The following DDX52 variants were observed in gnomAD, a reference collection of about 807,000 sequenced individuals.
DDX52 encodes the protein probable ATP-dependent RNA helicase DDX52.
In DDX52, 59 loss-of-function variants were observed where a neutral mutation model predicts 76.1. The observed-to-expected ratio is 0.78, with a 90% CI of 0.63 to 0.96. The LOEUF (loss-of-function observed/expected upper bound fraction) is 0.96, where lower values mean the gene tolerates loss of function less well. DDX52 is among the 40% of genes least tolerant of loss of function. DDX52 has a pLI of 0.00. For synonymous variants in DDX52, 231 were observed against 244.1 expected (o/e 0.95, Z 0.50); for missense variants, 707 against 703.9 (o/e 1.00, Z -0.05).
intron 13 of DDX52, among the ~76,000 whole-genome samples, chr17:37,618,982 T>G (rs1210582562): frequency 3.3e-5 from 5 of 152,262 alleles, no homozygotes; most frequent in Non-Finnish European, 7.3e-5. Flanking sequence ...CATCAGAGTT[T>G]GATTTTGATC....
intron 2 of DDX52, among the ~76,000 whole-genome samples, chr17:37,637,156 T>TA (rs1379544917): frequency 6.6e-6 from 1 of 152,022 alleles, no homozygotes; most frequent in African/African-American, 2.4e-5. Flanking sequence ...TTTGGAGTCT[T>TA]ACTGTGTCAC....
At chr17:37,626,546 C>A (rs996676324) in intron 7 of DDX52, among the ~76,000 whole-genome samples, 2 of 152,138 alleles carry the variant, frequency 1.3e-5, no homozygotes, top group Admixed American at 6.5e-5. Flanking sequence ...CGGACTAACA[C>A]AGCAGGAAAA....
Position 37,614,365 on chromosome 17 carries a change from A to C in DDX52, c.1743-12T>G. On this transcript the variant is annotated splice_polypyrimidine_tract_variant and intron_variant, in intron 14 of 14. Coordinates refer to ENST00000617633, the MANE Select transcript of DDX52 (RefSeq NM_007010.5). ...CAGTGACCTTTTTCCTGTAAAGAGC[A>C]AAGTAAGAAAAATTGAATAAAAAAT... 6.2e-7 allele frequency: 1 copy of C among 1,604,626 alleles called. No individual in the cohort carries two copies. The highest frequency in any genetic ancestry group is 1.1e-5 in the South Asian group (1 of 88,640).
At chr17:37,640,418 TAATC>T (rs1452776028) in intron 2 of DDX52, among the ~76,000 whole-genome samples, 2 of 152,010 alleles carry the variant, frequency 1.3e-5, no homozygotes, top group Non-Finnish European at 2.9e-5. Flanking sequence ...GTATATAAAA[TAATC>T]AAAGTATATA....
intron 2 of DDX52, among the ~76,000 whole-genome samples, chr17:37,640,459 T>C (rs1037058144): frequency 1.4e-4 from 21 of 152,216 alleles, no homozygotes; most frequent in Middle Eastern, 3.4e-3. Context: ...TATTTGTTTT[T>C]TTTTGAGTCA....
chr17:37,620,746 G>T, intron 12 of DDX52, 127 bp downstream of exon 12: 2 of 907,484 alleles, frequency 2.2e-6, no homozygotes, highest in South Asian at 2.4e-5. Flanking sequence ...CTAAAATTTG[G>T]TCAACTAACA....
chr17:37,614,383 T>TA, intron 14 of DDX52, 30 bp from the exon 15 acceptor site: 1 of 1,596,566 alleles, frequency 6.3e-7, no homozygotes, highest in Non-Finnish European at 8.5e-7. Context: ...AAAAATTGAA[T>TA]AAAAAATTCT....
At chr17:37,617,088 C>T (rs145576199) in intron 14 of DDX52, among the ~76,000 whole-genome samples, 15 of 152,302 alleles carry the variant, frequency 9.8e-5, no homozygotes, top group African/African-American at 2.9e-4. Flanking sequence ...GTCATGTACA[C>T]GAATCTTCTT....
rs199587106 is a variant in DDX52, at chr17:37,643,405, G to C, written c.16C>G (p.Leu6Val). MDVHD[L>V]FRRLGAGAKF... ...GCCCCCGCGCCGAGCCGGCGAAAGA[G>C]ATCGTGGACGTCCATCTTTACCCAG... The change falls in exon 1 of 15, where the codon CTC becomes GTC. Residue 6 changes from leucine (L) to valine (V), a missense_variant. By Grantham distance (32) the Leu-to-Val change is conservative (BLOSUM62 1). Transcript: ENST00000617633. The C allele has an allele frequency of 1.9e-6, 3 of 1,614,000 alleles. No individual in the cohort carries two copies. The highest frequency in any genetic ancestry group is 4.5e-5 in the East Asian group (2 of 44,876).
chr17:37,628,621 T>C lies in DDX52; in HGVS notation c.799A>G (p.Met267Val). ...GCTGCCACTGCTGCTTTGTGGATCA[T>C]GTGTATTCTGAATCCTGTTCCCTCA... ...ISEGTGFRIH[M>V]IHKAAVAAKK... Residue 267 changes from methionine to valine, a missense_variant, in exon 6 of 15, where the codon ATG (methionine) becomes GTG (valine). Coordinates refer to ENST00000617633, the MANE Select transcript of DDX52 (RefSeq NM_007010.5). The C allele has an allele frequency of 2.5e-6, 4 of 1,611,080 alleles. No individual in the cohort carries two copies. Among genetic ancestry groups the C allele is most frequent in the South Asian group, 2.2e-5 (2 of 89,904 alleles).
intron 2 of DDX52, among the ~76,000 whole-genome samples, chr17:37,636,524 T>C (rs917185596): frequency 3.3e-5 from 5 of 152,178 alleles, no homozygotes; most frequent in African/African-American, 1.2e-4. Context: ...AATAAACTCA[T>C]ACCAACTTGT....
At chr17:37,630,284 G>A (rs1343606928) in intron 4 of DDX52, 111 bp from the exon 5 acceptor site, 1 of 1,156,586 alleles carries the variant, frequency 8.6e-7, no homozygotes, top group Non-Finnish European at 1.2e-6. Flanking sequence ...TTTACATAAT[G>A]AATCTAATCT....
At chr17:37,631,459 G>C (rs1482386524) in intron 4 of DDX52, 1 of 152,464 alleles carries the variant, frequency 6.6e-6, no homozygotes, top group African/African-American at 2.4e-5. Context: ...AGTTGCCTCT[G>C]AGCAGGGGCA....
At chr17:37,618,145 T>C (rs900812852) in intron 14 of DDX52, 147 bp downstream of exon 14, 6 of 620,712 alleles carry the variant, frequency 9.7e-6, no homozygotes, top group Middle Eastern at 4.5e-4. Context: ...TTCCCAATTA[T>C]AGGCAACCTA....
intron 4 of DDX52, 70 bp from the exon 5 acceptor site, chr17:37,630,243 G>A (rs1293048959): frequency 2.3e-5 from 32 of 1,398,930 alleles, no homozygotes; most frequent in Admixed American, 1.1e-4. Context: ...GTCAAATAAC[G>A]CTACCAGCCA....
At chr17:37,625,744 A>T in intron 8 of DDX52, 151 bp downstream of exon 8, 1 of 826,916 alleles carries the variant, frequency 1.2e-6, no homozygotes, top group Non-Finnish European at 1.9e-6. Context: ...GAAAATCCTT[A>T]AACAATCTTG....
chr17:37,627,368 C>G (rs1010628869), intron 6 of DDX52, among the ~76,000 whole-genome samples: 1 of 152,078 alleles, frequency 6.6e-6, no homozygotes, highest in African/African-American at 2.4e-5. Flanking sequence ...CGCCACCACG[C>G]CCAGCTAATT....
intron 2 of DDX52, chr17:37,639,414 C>T: frequency 1.0e-6 from 1 of 990,922 alleles, no homozygotes; most frequent in Non-Finnish European, 1.2e-6. Flanking sequence ...ATTACTAATT[C>T]ACAAGCTATT....
At chr17:37,617,319 A>C (rs183998412) in intron 14 of DDX52, among the ~76,000 whole-genome samples, 2 of 152,362 alleles carry the variant, frequency 1.3e-5, no homozygotes, top group East Asian at 1.9e-4. Flanking sequence ...GGAGAAAAAA[A>C]CAATAAATTA....
Sources: allele counts gnomAD v4.1 joint callset (sites outside exome capture counted in the v4.1 genomes callset), GRCh38; gene constraint gnomAD v4.1.1; transcripts MANE v1.5; gene names NCBI Gene and HGNC (gene_info 2026-07-23, HGNC 2026-07-21).